The following PSEN1 variants were observed in gnomAD, a reference collection of about 807,000 sequenced individuals.
PSEN1 encodes presenilin 1, also known as presenilin-1.
A neutral mutation model predicts 53.5 loss-of-function variants in PSEN1; 15 were observed. The observed-to-expected ratio is 0.28, with a 90% CI of 0.19 to 0.43. The LOEUF is 0.43. Ranked by LOEUF, PSEN1 falls within the 20% of genes least tolerant of loss-of-function variation. The pLI is 1.00. For synonymous variants in PSEN1, 208 were observed against 209.8 expected (o/e 0.99, Z 0.08); for missense variants, 387 against 571.2 (o/e 0.68, Z 3.29).
At chr14:73,209,931 C>T (rs950436767) in intron 9 of PSEN1, among the ~76,000 whole-genome samples, 1 of 152,160 alleles carries the variant, frequency 6.6e-6, no homozygotes, top group Non-Finnish European at 1.5e-5. Flanking sequence ...ATTTAACATC[C>T]CTGGCCCCTC....
intron 5 of PSEN1, among the ~76,000 whole-genome samples, chr14:73,185,104 C>T (rs1898446900): frequency 6.7e-6 from 1 of 149,158 alleles, no homozygotes; most frequent in Admixed American, 6.7e-5. Context: ...CGGGCGGAGA[C>T]GCTCCTCACT....
chr14:73,196,997 A>G (rs538428827), intron 7 of PSEN1, among the ~76,000 whole-genome samples: 9 of 147,910 alleles, frequency 6.1e-5, no homozygotes, highest in Admixed American at 5.5e-4. Context: ...CAGTGGCGCA[A>G]TCTCGGCGCA....
chr14:73,136,721 G>T (rs1439511772), intron 1 of PSEN1, 138 bp downstream of exon 1: 1 of 152,410 alleles, frequency 6.6e-6, no homozygotes, highest in African/African-American at 2.4e-5. Context: ...GGCCGGTTGG[G>T]GCTGGGGAAC....
chr14:73,151,092 AT>A (rs1897209456), intron 3 of PSEN1, among the ~76,000 whole-genome samples: 1 of 152,076 alleles, frequency 6.6e-6, no homozygotes, highest in Non-Finnish European at 1.5e-5. Context: ...AAAAAACTTT[AT>A]GTGGTTTATG....
chr14:73,213,111 T>G (rs201090176), intron 10 of PSEN1, among the ~76,000 whole-genome samples: 8 of 152,170 alleles, frequency 5.3e-5, no homozygotes, highest in African/African-American at 1.9e-4. Context: ...TTTCCAGATA[T>G]CAAAGCCCAG....
chr14:73,182,508 A>T (rs190413772), intron 5 of PSEN1, among the ~76,000 whole-genome samples: 44 of 149,752 alleles, frequency 2.9e-4, no homozygotes, highest in Admixed American at 5.4e-4. Context: ...AAAAATAATT[A>T]AAAAAAAAAT....
chr14:73,205,916 C>T (rs948549384), intron 8 of PSEN1, among the ~76,000 whole-genome samples: 34 of 152,122 alleles, frequency 2.2e-4, no homozygotes, highest in Admixed American at 1.8e-3. Flanking sequence ...TTTTTTCTCA[C>T]GCCGGGTTTA....
At chr14:73,218,863 A>G (rs905395714) in intron 11 of PSEN1, among the ~76,000 whole-genome samples, 3 of 152,188 alleles carry the variant, frequency 2.0e-5, no homozygotes, top group Admixed American at 1.3e-4. Context: ...ATTTTTTTCA[A>G]AGTAGTTTTA....
chr14:73,212,676 A>C (rs185695724), intron 10 of PSEN1, among the ~76,000 whole-genome samples: 1 of 152,318 alleles, frequency 6.6e-6, no homozygotes, highest in Admixed American at 6.5e-5. Flanking sequence ...ATTGGCAGAA[A>C]TGCAAGTATT....
At chr14:73,177,003 T>C (rs544807309) in intron 5 of PSEN1, among the ~76,000 whole-genome samples, 1 of 150,290 alleles carries the variant, frequency 6.7e-6, no homozygotes, top group African/African-American at 2.5e-5. Flanking sequence ...CTGACCTTTT[T>C]GAACCTAATT....
At chr14:73,186,499 G>A (rs1898518270) in intron 5 of PSEN1, among the ~76,000 whole-genome samples, 1 of 152,144 alleles carries the variant, frequency 6.6e-6, no homozygotes, top group African/African-American at 2.4e-5. Context: ...GATGTGGGCC[G>A]GGCATAGTGG....
chr14:73,196,703 G>A (rs1378730004), intron 7 of PSEN1, among the ~76,000 whole-genome samples: 1 of 151,324 alleles, frequency 6.6e-6, no homozygotes, highest in Non-Finnish European at 1.5e-5. Flanking sequence ...TCAAACTCCT[G>A]AGCACAAGTG....
At chr14:73,195,015 G>A (rs1297167143) in intron 7 of PSEN1, among the ~76,000 whole-genome samples, 2 of 152,096 alleles carry the variant, frequency 1.3e-5, no homozygotes, top group Non-Finnish European at 2.9e-5. Flanking sequence ...ATCAGTTGTG[G>A]AACTATAGAA....
At chr14:73,157,671 G>A (rs372933281) in intron 3 of PSEN1, among the ~76,000 whole-genome samples, 15 of 151,844 alleles carry the variant, frequency 9.9e-5, no homozygotes, top group South Asian at 8.3e-4. Context: ...TTTTGTCACC[G>A]CGCGCAGCCA....
At chr14:73,192,542 G>T in intron 6 of PSEN1, 102 bp from the exon 7 acceptor site, 1 of 808,466 alleles carries the variant, frequency 1.2e-6, no homozygotes, top group East Asian at 2.5e-5. Context: ...TTATAAAGGT[G>T]GGATATTAAT....
At position 73,141,895 on chromosome 14, in the gene PSEN1, G is replaced by A. The variant is rs191185801; in HGVS notation, c.-136+5312G>A. Among the ~76,000 whole-genome samples the A allele has an allele frequency of 6.0e-3, 908 of 151,888 alleles. 12 individuals carry two copies. The highest frequency in any genetic ancestry group is 0.021 in the African/African-American group (855 of 41,412). On this transcript the variant is annotated intron_variant, in intron 1 of 11. Coordinates refer to ENST00000324501, the MANE Select transcript of PSEN1 (RefSeq NM_000021.4). ...ATCCTGGCTAACACAGTGAAACCCC[G>A]TCTCTACTAAAAATACAAAAAATTA...
intron 9 of PSEN1, 85 bp from the exon 10 acceptor site, chr14:73,211,684 A>T: frequency 1.4e-6 from 2 of 1,445,104 alleles, no homozygotes; most frequent in South Asian, 1.2e-5. Flanking sequence ...TTACAATGAC[A>T]GCTAGTTACT....
At position 73,212,885 on chromosome 14, in the gene PSEN1, G is replaced by A. The variant is rs57307382; in HGVS notation, c.1129+943G>A. On this transcript the variant is annotated intron_variant, in intron 10 of 11. Transcript: ENST00000324501. ...TTTTGGTTGTCTTGTTTTTGCAAGA[G>A]TGAAACTTGATTAAAACATTACAAC... Among the ~76,000 whole-genome samples the A allele has an allele frequency of 4.3e-3, 648 of 152,328 alleles. 4 individuals carry two copies. The highest frequency in any genetic ancestry group is 0.014 in the African/African-American group (597 of 41,582).
intron 3 of PSEN1, among the ~76,000 whole-genome samples, chr14:73,153,440 T>C (rs763479305): frequency 6.6e-6 from 1 of 152,222 alleles, no homozygotes; most frequent in South Asian, 2.1e-4. Context: ...ATTAGAGGAA[T>C]GGTTAAACCT....
Sources: gnomAD v4.1 joint callset for allele counts (sites outside exome capture counted in the v4.1 genomes callset) on GRCh38, gnomAD v4.1.1 for gene constraint, MANE v1.5 for transcripts, NCBI Gene and HGNC (gene_info 2026-07-23, HGNC 2026-07-21) for gene names.